MTFR1: variants seen among roughly 807,000 people sequenced by gnomAD.
MTFR1 encodes mitochondrial fission regulator 1, also known as chondrocyte protein with a poly-proline region.
A neutral mutation model predicts 38.8 loss-of-function variants in MTFR1; 28 were observed. The ratio of observed to expected loss-of-function variants is 0.72; its 90% CI spans 0.53 to 0.99. The LOEUF is 0.99. Among genes scored for constraint, MTFR1 ranks in the 50% least tolerant of loss-of-function variants. MTFR1 has a pLI of 0.00. For missense variants in MTFR1, 358 were observed against 395.5 expected (o/e 0.91, Z 0.81); for synonymous variants, 145 against 137.0 (o/e 1.06, Z -0.41).
intron 1 of MTFR1, among the ~76,000 whole-genome samples, chr8:65,661,403 T>TGAG (rs1412040927): frequency 6.6e-6 from 1 of 152,162 alleles, no homozygotes; most frequent in Non-Finnish European, 1.5e-5. Flanking sequence ...TTTGGGAGGC[T>TGAG]GAGGGGGTGT....
At chr8:65,745,350 C>A in intron 3 of MTFR1, 1 of 967,960 alleles carries the variant, frequency 1.0e-6, no homozygotes, top group Admixed American at 1.7e-5. Flanking sequence ...AGCGGCTGCA[C>A]CATCAATGCA....
chr8:65,689,540 T>A, intron 3 of MTFR1: 1 of 1,250,520 alleles, frequency 8.0e-7, no homozygotes, highest in South Asian at 1.4e-5. Context: ...CTCTTCACTT[T>A]TTTTTTCTTT....
chr8:65,744,039 GC>G (rs1384544176), intron 3 of MTFR1, among the ~76,000 whole-genome samples: 1 of 152,110 alleles, frequency 6.6e-6, no homozygotes, highest in African/African-American at 2.4e-5. Flanking sequence ...TGCCATGTTG[GC>G]CAGGCTGGTC....
Position 65,731,977 on chromosome 8 carries a change from A to G in MTFR1, c.*48+12496A>G, listed in dbSNP as rs142929444. Among the ~76,000 whole-genome samples, 169 of 151,642 alleles carry G rather than the reference A, an allele frequency of 1.1e-3. 1 individual carries two copies. Among genetic ancestry groups the G allele is most frequent in the Non-Finnish European group, 2.1e-3 (144 of 67,898 alleles). ...CCTGGTCATTCTCTATATTATTATT[A>G]TTATTATTATTGTTGTTGTTGTTGT... On this transcript the variant is annotated intron_variant, in intron 3 of 3. Coordinates refer to the MTFR1 transcript ENST00000521247.
chr8:65,734,313 A>G (rs925298220), intron 3 of MTFR1, among the ~76,000 whole-genome samples: 2 of 152,170 alleles, frequency 1.3e-5, no homozygotes, highest in African/African-American at 2.4e-5. Flanking sequence ...CTTGCAAACT[A>G]TCCACATCCC....
chr8:65,667,284 A>G (rs1804409203), intron 1 of MTFR1, among the ~76,000 whole-genome samples: 1 of 152,098 alleles, frequency 6.6e-6, no homozygotes, highest in African/African-American at 2.4e-5. Flanking sequence ...CTCAAAAAAA[A>G]AAAAGGAAAG....
chr8:65,681,705 T>G (rs577307859), intron 2 of MTFR1, among the ~76,000 whole-genome samples: 1 of 151,946 alleles, frequency 6.6e-6, no homozygotes, highest in East Asian at 1.9e-4. Flanking sequence ...GGGTTTGTTT[T>G]TGTCTTTAAG....
intron 4 of MTFR1, among the ~76,000 whole-genome samples, chr8:65,702,342 C>T (rs1303334334): frequency 1.4e-5 from 2 of 145,020 alleles, no homozygotes; most frequent in Non-Finnish European, 3.0e-5. Context: ...CTGTGTTGCC[C>T]AGGCTGGAAT....
rs1480404225 is a variant in MTFR1 at position 65,707,908 on chromosome 8, C to G, written c.830C>G (p.Ala277Gly). ...GACCCTGCTGCCCTCATAGCAGAGG[C>G]TCTGAAAAAGAAATTTGCTTATCGG... is the stretch of plus-strand genomic sequence containing the variant. ...ATDPAALIAE[A>G]LKKKFAYRYR... The change falls in exon 7 of 8, where the codon GCT (alanine) becomes GGT (glycine). Residue 277 changes from alanine to glycine, a missense_variant. Coordinates refer to ENST00000262146, the MANE Select transcript of MTFR1 (RefSeq NM_014637.4). 3.1e-6 allele frequency: 5 copies of G among 1,614,078 alleles called. No homozygotes were observed. In the South Asian group the frequency reaches 5.5e-5, roughly 18 times the overall value.
At chr8:65,719,412 G>A (rs1453546482) in exon 3 of MTFR1, 1 of 1,613,950 alleles carries the variant, frequency 6.2e-7, no homozygotes, top group South Asian at 1.1e-5. Context: ...AGCCCCACGT[G>A]TCCAAGCATT....
intron 3 of MTFR1, chr8:65,739,634 TACA>T: frequency 6.9e-7 from 1 of 1,451,834 alleles, no homozygotes; most frequent in Non-Finnish European, 9.1e-7. Flanking sequence ...TAGTAGGAAA[TACA>T]AGTCAACACA....
chr8:65,649,273 C>G (rs60824178), intron 1 of MTFR1, among the ~76,000 whole-genome samples: 1 of 151,988 alleles, frequency 6.6e-6, no homozygotes, highest in African/African-American at 2.4e-5. Flanking sequence ...CAACCTCCAC[C>G]TCCCAGGTTC....
intron 2 of MTFR1, among the ~76,000 whole-genome samples, chr8:65,676,974 G>T (rs775664063): frequency 1.3e-5 from 2 of 151,184 alleles, no homozygotes; most frequent in African/African-American, 2.4e-5. Flanking sequence ...AGACATGCAT[G>T]TGCGCGCACA....
intron 3 of MTFR1, among the ~76,000 whole-genome samples, chr8:65,733,916 T>C (rs781307776): frequency 2.6e-5 from 4 of 152,086 alleles, no homozygotes; most frequent in Non-Finnish European, 5.9e-5. Flanking sequence ...AGTTTTGAAG[T>C]AGAGATGGGA....
intron 3 of MTFR1, among the ~76,000 whole-genome samples, chr8:65,737,644 G>A (rs1466424347): frequency 1.3e-5 from 2 of 151,812 alleles, no homozygotes; most frequent in African/African-American, 4.8e-5. Context: ...TCAGCCTCCC[G>A]AGTAGGTAGG....
chr8:65,711,603 C>A (rs1034709126), downstream of MTFR1, among the ~76,000 whole-genome samples: 11 of 152,090 alleles, frequency 7.2e-5, no homozygotes, highest in African/African-American at 2.7e-4. Context: ...TCTCTGCTAC[C>A]CTATTGATCC....
At chr8:65,726,013 CTTTT>C (rs957463887) in intron 3 of MTFR1, among the ~76,000 whole-genome samples, 1 of 152,048 alleles carries the variant, frequency 6.6e-6, no homozygotes, top group Non-Finnish European at 1.5e-5. Context: ...TAAAGTCCAG[CTTTT>C]TTCTCATGGT....
intron 3 of MTFR1, among the ~76,000 whole-genome samples, chr8:65,687,536 G>A (rs1053552216): frequency 3.3e-5 from 5 of 151,900 alleles, no homozygotes; most frequent in East Asian, 2.0e-4. Context: ...TAGTAGAGAC[G>A]GGGTTTCACC....
intron 3 of MTFR1, among the ~76,000 whole-genome samples, chr8:65,732,670 T>C (rs934365969): frequency 5.3e-5 from 8 of 152,196 alleles, no homozygotes; most frequent in African/African-American, 1.9e-4. Context: ...CACACCACCA[T>C]GCCCATCTAA....
Sources: allele counts gnomAD v4.1 joint callset (sites outside exome capture counted in the v4.1 genomes callset), GRCh38; gene constraint gnomAD v4.1.1; transcripts MANE v1.5; gene names NCBI Gene and HGNC (gene_info 2026-07-23, HGNC 2026-07-21).